The following EPHA3 variants were observed in gnomAD, a reference collection of about 807,000 sequenced individuals.
EPHA3 encodes ephrin type-A receptor 3.
EPHA3 carries 42 observed loss-of-function variants against 107.1 expected under a neutral mutation model. The ratio of observed to expected loss-of-function variants is 0.39; its 90% confidence interval spans 0.31 to 0.51. The LOEUF is 0.51. Ranked by LOEUF, EPHA3 falls within the 20% of genes least tolerant of loss-of-function variation. The pLI, the probability that EPHA3 is intolerant of heterozygous loss-of-function variation, is 0.78. For missense variants in EPHA3, 1,183 were observed against 1,211.2 expected, an observed-to-expected ratio of 0.98 and a Z score of 0.35; for synonymous variants, 461 against 424.8, an observed-to-expected ratio of 1.09 and a Z score of -1.05.
chr3:89,298,703 A>C (rs1706418280), intron 3 of EPHA3, among the ~76,000 whole-genome samples: 1 of 152,160 alleles, frequency 6.6e-6, no homozygotes, highest in Admixed American at 6.6e-5. Flanking sequence ...GGAGATGCCA[A>C]GACATAAAAT....
chr3:89,133,413 C>T (rs761858134), intron 2 of EPHA3, among the ~76,000 whole-genome samples: 11 of 152,178 alleles, frequency 7.2e-5, no homozygotes, highest in Non-Finnish European at 2.9e-5. Context: ...GGAACCATTA[C>T]AATCATCACA....
intron 16 of EPHA3, among the ~76,000 whole-genome samples, chr3:89,474,527 A>T (rs1710467939): frequency 6.6e-6 from 1 of 152,246 alleles, no homozygotes; most frequent in Non-Finnish European, 1.5e-5. Context: ...AAGCAAACAC[A>T]AAGTTGAACA....
chr3:89,396,044 G>A lies in EPHA3; in HGVS notation c.1431+83G>A, dbSNP rs139970037. ...GCTGTGCTCTTGCAAAGAAACCAGTGACATTCCTGGTAAATGGTAGAGCAC... is the reference window on the plus strand; with the variant it reads ...GCTGTGCTCTTGCAAAGAAACCAGTAACATTCCTGGTAAATGGTAGAGCAC... On this transcript the variant is annotated intron_variant, in intron 6 of 16. Coordinates refer to ENST00000336596, the MANE Select transcript of EPHA3 (RefSeq NM_005233.6). The A allele has an allele frequency of 1.8e-3, 2,826 of 1,543,244 alleles. 2 individuals carry two copies. The highest frequency in any genetic ancestry group is 2.3e-3 in the Non-Finnish European group (2,609 of 1,135,278).
At chr3:89,172,187 C>A (rs923492783) in intron 2 of EPHA3, among the ~76,000 whole-genome samples, 1 of 152,014 alleles carries the variant, frequency 6.6e-6, no homozygotes, top group African/African-American at 2.4e-5. Flanking sequence ...TTCTTTTATG[C>A]GTGTTGTTGT....
At chr3:89,402,988 T>G (rs1708995471) in intron 7 of EPHA3, among the ~76,000 whole-genome samples, 1 of 152,200 alleles carries the variant, frequency 6.6e-6, no homozygotes, top group African/African-American at 2.4e-5. Context: ...GGTTTTAATT[T>G]TGTAATTACA....
At chr3:89,469,924 C>T (rs1710367219) in intron 15 of EPHA3, among the ~76,000 whole-genome samples, 1 of 152,040 alleles carries the variant, frequency 6.6e-6, no homozygotes, top group African/African-American at 2.4e-5. Flanking sequence ...TTCACTTAGA[C>T]TAATCTTTCA....
chr3:89,187,571 A>T lies in EPHA3; in HGVS notation c.154-22289A>T, dbSNP rs563754710. Among the ~76,000 whole-genome samples, 9 of 152,080 alleles carry T rather than the reference A, an allele frequency of 5.9e-5. No individual in the cohort carries two copies. In the South Asian group the frequency reaches 1.7e-3, roughly 28 times the overall value. ...AAATATAAAAAATATGTTAATTTAA[A>T]TTAAAAAATGAATTTGAGCTGATGA... On this transcript the variant is annotated intron_variant, in intron 2 of 16. Coordinates refer to ENST00000336596, the MANE Select transcript of EPHA3 (RefSeq NM_005233.6).
intron 11 of EPHA3, among the ~76,000 whole-genome samples, chr3:89,426,183 T>G (rs1213366807): frequency 1.3e-5 from 2 of 151,648 alleles, no homozygotes; most frequent in Non-Finnish European, 3.0e-5. Flanking sequence ...CATTTGTAAA[T>G]CAAAATACAC....
chr3:89,211,737 CTTCTCCTTCTTCT>C (rs1704097628), intron 3 of EPHA3, among the ~76,000 whole-genome samples: 1 of 10,284 alleles, frequency 9.7e-5, no homozygotes, highest in African/African-American at 2.3e-4. Flanking sequence ...TCTTCTTCTT[CTTCTCCTTCTTCT>C]TCTTCTTCTT....
intron 2 of EPHA3, among the ~76,000 whole-genome samples, chr3:89,145,204 T>C (rs1345996780): frequency 6.6e-6 from 1 of 151,666 alleles, no homozygotes; most frequent in Non-Finnish European, 1.5e-5. Flanking sequence ...TGCTAATGAA[T>C]TACTTTATTT....
intron 5 of EPHA3, 73 bp from the exon 6 acceptor site, chr3:89,395,764 G>A: frequency 6.4e-7 from 1 of 1,561,772 alleles, no homozygotes; most frequent in Admixed American, 1.7e-5. Context: ...TTCTCCCTCT[G>A]TTCTTATTCG....
intron 1 of EPHA3, among the ~76,000 whole-genome samples, chr3:89,108,232 T>C (rs1439477543): frequency 6.6e-6 from 1 of 152,178 alleles, no homozygotes; most frequent in Admixed American, 6.5e-5. Context: ...AGCCTTCCTC[T>C]CTAGACTCTT....
intron 11 of EPHA3, among the ~76,000 whole-genome samples, chr3:89,422,320 G>A (rs1426335042): frequency 6.7e-6 from 1 of 149,696 alleles, no homozygotes. Flanking sequence ...TCCACCTGCA[G>A]AGATCAGAAA....
intron 3 of EPHA3, among the ~76,000 whole-genome samples, chr3:89,301,777 T>G (rs1210076625): frequency 1.3e-5 from 2 of 152,050 alleles, no homozygotes; most frequent in Non-Finnish European, 2.9e-5. Context: ...TCTAGGAAGC[T>G]CCACAGAATA....
intron 12 of EPHA3, among the ~76,000 whole-genome samples, chr3:89,429,843 A>G (rs897212962): frequency 3.3e-5 from 5 of 152,098 alleles, no homozygotes; most frequent in African/African-American, 9.7e-5. Context: ...GGCTCACTGC[A>G]ATCCCCGCCT....
intron 3 of EPHA3, among the ~76,000 whole-genome samples, chr3:89,282,778 T>G (rs1705980958): frequency 6.6e-6 from 1 of 152,108 alleles, no homozygotes; most frequent in Non-Finnish European, 1.5e-5. Flanking sequence ...GTCTTTTCTT[T>G]ATGAGAAATA....
At chr3:89,335,433 T>G (rs910580143) in intron 3 of EPHA3, among the ~76,000 whole-genome samples, 2 of 152,186 alleles carry the variant, frequency 1.3e-5, no homozygotes, top group African/African-American at 4.8e-5. Context: ...GATTTCAACA[T>G]ATATATTTTA....
chr3:89,146,030 G>T (rs1704550222), intron 2 of EPHA3, among the ~76,000 whole-genome samples: 1 of 151,870 alleles, frequency 6.6e-6, no homozygotes, highest in African/African-American at 2.4e-5. Context: ...TTTGATTTCT[G>T]TGCTTTCAGT....
intron 7 of EPHA3, among the ~76,000 whole-genome samples, chr3:89,401,848 G>A (rs2107511628): frequency 6.6e-6 from 1 of 152,202 alleles, no homozygotes; most frequent in Middle Eastern, 3.4e-3. Flanking sequence ...TGACCTCAGG[G>A]TGATCCACCC....
Sources: allele counts gnomAD v4.1 joint callset (sites outside exome capture counted in the v4.1 genomes callset), GRCh38; gene constraint gnomAD v4.1.1; transcripts MANE v1.5; gene names NCBI Gene and HGNC (gene_info 2026-07-23, HGNC 2026-07-21).